Variants in CACNA1C observed in about 807,000 individuals in gnomAD.
CACNA1C encodes the protein calcium voltage-gated channel subunit alpha1 C.
In CACNA1C, 30 loss-of-function variants were observed where a neutral mutation model predicts 229.0. The ratio of observed to expected loss-of-function variants is 0.13; its 90% CI spans 0.10 to 0.18. The LOEUF (loss-of-function observed/expected upper bound fraction) is 0.18. Among genes scored for constraint, CACNA1C ranks in the 10% least tolerant of loss-of-function variants. CACNA1C has a pLI of 1.00. For missense variants in CACNA1C, 1,658 were observed against 2,845.0 expected (o/e 0.58, Z 9.49); for synonymous variants, 1,114 against 1,132.5 (o/e 0.98, Z 0.33).
chr12:2,277,354 GACAGACAGAC>G (rs1468902908), intron 3 of CACNA1C, among the ~76,000 whole-genome samples: 493 of 87,036 alleles, frequency 5.7e-3, no homozygotes, highest in South Asian at 6.3e-3. Flanking sequence ...CAGACAGACA[GACAGACAGAC>G]ACACACACAC....
At chr12:2,299,556 AT>A (rs1445199992) in intron 3 of CACNA1C, among the ~76,000 whole-genome samples, 1 of 152,102 alleles carries the variant, frequency 6.6e-6, no homozygotes, top group Non-Finnish European at 1.5e-5. Flanking sequence ...CATGATCAGA[AT>A]CCCCCCATGA....
Position 2,019,215 on chromosome 12 carries a change from C to G in CACNA1C, c.139+48014C>G, listed in dbSNP as rs374752453. 2.1e-3 allele frequency among the ~76,000 whole-genome samples: 322 copies of G among 152,070 alleles called. 4 individuals are homozygous for G. Among genetic ancestry groups the G allele is most frequent in the African/African-American group, 7.5e-3 (311 of 41,474 alleles). Reference sequence around the variant, plus strand: ...AGTGGCTCACACCTGTAATCCTGACCCTTTGGGAGGTTGAGGTGGGAGGAT... The same window carrying G: ...AGTGGCTCACACCTGTAATCCTGACGCTTTGGGAGGTTGAGGTGGGAGGAT... On this transcript the variant is annotated intron_variant, in intron 1 of 46. Coordinates refer to the CACNA1C transcript ENST00000682462.
intron 1 of CACNA1C, among the ~76,000 whole-genome samples, chr12:2,031,186 A>T (rs184393169): frequency 9.8e-5 from 15 of 152,314 alleles, no homozygotes; most frequent in African/African-American, 2.6e-4. Context: ...CTTGCCTACC[A>T]GGCAGACCCT....
rs2091107072 is a variant in CACNA1C, at chr12:2,632,784, A to G, written c.3829-1513A>G. On this transcript the variant is annotated intron_variant, in intron 29 of 46. Coordinates refer to ENST00000399655, the MANE Select transcript of CACNA1C (RefSeq NM_000719.7). The surrounding 1 kb of genome is among the most constrained non-coding windows in gnomAD (Gnocchi z 4.1). ...CCTCTGCGCGGCGTCTGCATTCAGCAGGACCCTACCTCCAAATGACCATGA... is the reference window on the plus strand; with the variant it reads ...CCTCTGCGCGGCGTCTGCATTCAGCGGGACCCTACCTCCAAATGACCATGA... Among the ~76,000 whole-genome samples, 1 of 152,146 alleles carries G rather than the reference A, an allele frequency of 6.6e-6. No homozygotes were observed. The highest frequency in any genetic ancestry group is 6.5e-5 in the Admixed American group (1 of 15,278).
intron 7 of CACNA1C, among the ~76,000 whole-genome samples, chr12:2,501,598 G>A (rs550670046): frequency 2.6e-5 from 4 of 152,374 alleles, no homozygotes; most frequent in East Asian, 1.9e-4. Flanking sequence ...TGGCCAGCAC[G>A]GCTGTCAGTG....
chr12:1,994,128 T>C (rs2154475260), intron 1 of CACNA1C, among the ~76,000 whole-genome samples: 1 of 152,386 alleles, frequency 6.6e-6, no homozygotes, highest in East Asian at 1.9e-4. Flanking sequence ...CAAATTATAC[T>C]GAGTATAAAC....
rs374269485 is a variant in CACNA1C at position 2,595,868 on chromosome 12, G to A, written c.2664-6G>A. 134 of 1,612,734 alleles carry A rather than the reference G, an allele frequency of 8.3e-5. 1 individual carries two copies. The highest frequency in any genetic ancestry group is 3.3e-4 in the Middle Eastern group (2 of 6,076). Reference sequence around the variant, plus strand: ...TGTCTCTCCTCCTGTCCCCTCTCCCGTACAGGTTTCGCCTCCAGTGCCACC... The same window carrying A: ...TGTCTCTCCTCCTGTCCCCTCTCCCATACAGGTTTCGCCTCCAGTGCCACC... On this transcript the variant is annotated splice_polypyrimidine_tract_variant and splice_region_variant and intron_variant, in intron 19 of 46. Coordinates refer to ENST00000399655, the MANE Select transcript of CACNA1C (RefSeq NM_000719.7). The surrounding 1 kb of genome is among the most constrained non-coding windows in gnomAD (Gnocchi z 4.1).
intron 38 of CACNA1C, among the ~76,000 whole-genome samples, chr12:2,670,126 T>C (rs1324101926): frequency 6.6e-6 from 1 of 152,174 alleles, no homozygotes; most frequent in Non-Finnish European, 1.5e-5. Context: ...TCCCTGAGCA[T>C]GGGGCCCAGG....
chr12:2,648,368 T>C (rs1223961262), intron 30 of CACNA1C, 107 bp from the exon 31 acceptor site: 1 of 1,011,844 alleles, frequency 9.9e-7, no homozygotes, highest in African/African-American at 1.6e-5. Flanking sequence ...TGTTTCCTTT[T>C]GCCCTCTTCT....
At chr12:2,462,327 T>TTGG (rs1476347547) in intron 5 of CACNA1C, among the ~76,000 whole-genome samples, 4 of 138,012 alleles carry the variant, frequency 2.9e-5, no homozygotes, top group South Asian at 2.3e-4. Flanking sequence ...GCGCACCTCC[T>TTGG]CGGCCCGCCC....
At chr12:2,257,161 C>T (rs1299941168) in intron 3 of CACNA1C, among the ~76,000 whole-genome samples, 5 of 152,260 alleles carry the variant, frequency 3.3e-5, no homozygotes, top group Middle Eastern at 3.4e-3. Flanking sequence ...TTTGTAATGG[C>T]GGCCAAGATC....
In CACNA1C at chr12:2,601,154, A is replaced by C. The variant is rs1371149925; in HGVS notation, c.2854-700A>C. Among the ~76,000 whole-genome samples, 1 of 152,214 alleles carries C rather than the reference A, an allele frequency of 6.6e-6. No individual in the cohort carries two copies. The highest frequency in any genetic ancestry group is 2.4e-5 in the African/African-American group (1 of 41,464). On this transcript the variant is annotated intron_variant, in intron 21 of 46. Coordinates refer to ENST00000399655, the MANE Select transcript of CACNA1C (RefSeq NM_000719.7). The surrounding 1 kb of genome is among the most constrained non-coding windows in gnomAD (Gnocchi z 5.9). The stretch of plus-strand genomic sequence containing the variant: ...AGAACTCCAGATGTAGTCTAGAAGC[A>C]GGACAGTAGAATTGAGTTTAGAATA...
In CACNA1C at chr12:2,099,262, G is replaced by A. The variant is rs147197930; in HGVS notation, c.50-15962G>A. Among the ~76,000 whole-genome samples, 12 of 152,310 alleles carry A rather than the reference G, an allele frequency of 7.9e-5. 1 individual carries two copies. The highest frequency in any genetic ancestry group is 2.1e-4 in the South Asian group (1 of 4,826). The stretch of plus-strand genomic sequence containing the variant: ...TTCTCAGCTAATTTTCAAACCAACC[G>A]TCTTACTGTGTTACTTTACCCTGAA... On this transcript the variant is annotated intron_variant, in intron 1 of 46. Transcript: ENST00000399655.
At chr12:2,367,011 C>T (rs1282898602) in intron 3 of CACNA1C, among the ~76,000 whole-genome samples, 1 of 152,156 alleles carries the variant, frequency 6.6e-6, no homozygotes, top group Non-Finnish European at 1.5e-5. Flanking sequence ...AGTAATGTCC[C>T]ACCAGGCCCC....
intron 43 of CACNA1C, among the ~76,000 whole-genome samples, chr12:2,682,879 C>CA (rs369177818): frequency 5.3e-4 from 18 of 34,132 alleles, no homozygotes; most frequent in African/African-American, 3.1e-3. Flanking sequence ...CACACACACA[C>CA]CACACACACA....
chr12:2,642,129 GT>G (rs779871616), intron 30 of CACNA1C, among the ~76,000 whole-genome samples: 40 of 152,112 alleles, frequency 2.6e-4, no homozygotes, highest in Non-Finnish European at 5.4e-4. Flanking sequence ...ATGGGAACCT[GT>G]TTTTTTATAG....
chr12:2,334,544 C>T (rs918248718), intron 3 of CACNA1C, among the ~76,000 whole-genome samples: 9 of 152,290 alleles, frequency 5.9e-5, no homozygotes, highest in Middle Eastern at 3.4e-3. Context: ...GTGGTTCACG[C>T]CCATAGTCCC....
In CACNA1C at chr12:2,053,423, A is replaced by G; in HGVS notation, c.-140A>G. ...GGTAATCGTCGGCGGGGAAGAAGAAACGCTGCAGACCACGGCTTCCTCGAA... is the reference window on the plus strand; with the variant it reads ...GGTAATCGTCGGCGGGGAAGAAGAAGCGCTGCAGACCACGGCTTCCTCGAA... On this transcript the variant is annotated 5_prime_UTR_variant, in exon 1 of 47. Transcript: ENST00000399655. The surrounding 1 kb of genome is among the most constrained non-coding windows in gnomAD (Gnocchi z 5.8). 1 of 1,419,574 alleles carries G rather than the reference A, an allele frequency of 7.0e-7. No homozygotes were observed. Among genetic ancestry groups the G allele is most frequent in the Non-Finnish European group, 9.3e-7 (1 of 1,080,004 alleles). 87.9% of individuals were successfully genotyped at this position (1,419,574 alleles called of 1,614,324 possible). A position where few individuals can be genotyped will look rare whatever the true frequency, so the allele number is the denominator to read the frequency against.
chr12:2,584,404 C>A (rs2061664223), intron 15 of CACNA1C, 99 bp from the exon 16 acceptor site: 2 of 775,980 alleles, frequency 2.6e-6, no homozygotes, highest in African/African-American at 1.7e-5. Context: ...GCTCTCTCTG[C>A]TGAGGAGCTC....
Sources: gnomAD v4.1 joint callset for allele counts (sites outside exome capture counted in the v4.1 genomes callset) on GRCh38, gnomAD v4.1.1 for gene constraint, Gnocchi (gnomAD v3.1) non-coding constraint, MANE v1.5 for transcripts, NCBI Gene and HGNC (gene_info 2026-07-23, HGNC 2026-07-21) for gene names.